PXDC1: variants seen among roughly 807,000 people sequenced by gnomAD.
PXDC1 encodes PX domain containing 1.
In PXDC1, 13 loss-of-function variants were observed where a neutral mutation model predicts 24.4. The ratio of observed to expected loss-of-function variants is 0.53; its 90% CI spans 0.35 to 0.85. The LOEUF (loss-of-function observed/expected upper bound fraction) is 0.85. PXDC1 is among the 40% of genes least tolerant of loss of function. The probability of loss-of-function intolerance (pLI) is 0.01; values close to 1 mark genes in which losing one functional copy is unlikely to be tolerated. For missense variants in PXDC1, 344 were observed against 309.3 expected (o/e 1.11, Z -0.84); for synonymous variants, 162 against 124.9 (o/e 1.30, Z -1.98).
rs544601843 is a variant in PXDC1 at position 3,729,698 on chromosome 6, A to C, written c.467-2036T>G. ...CTCTATCTAAAATGGGTGGCAGCAC[A>C]GAACCACTGCCTTTATTGTTTTTAT... On this transcript the variant is annotated intron_variant, in intron 3 of 4. Transcript: ENST00000380283. Among the ~76,000 whole-genome samples, 6 of 152,372 alleles carry C rather than the reference A, an allele frequency of 3.9e-5. 1 individual carries two copies. The South Asian group carries it at 1.2e-3, about 32-fold the overall frequency.
chr6:3,723,842 C>CA (rs1759996711), intron 4 of PXDC1, 106 bp from the exon 5 acceptor site: 2 of 815,380 alleles, frequency 2.5e-6, no homozygotes, highest in Admixed American at 2.1e-5. Context: ...AGTAAGTGTG[C>CA]AAAAAAACCA....
Position 3,737,979 on chromosome 6 carries a change from G to A in PXDC1, c.348+78C>T. ...AGAGCAAGCAAGTCAACCCTCCGGGGGGATGGACGCCTTTCGCATTTGGGA... is the reference window on the plus strand; with the variant it reads ...AGAGCAAGCAAGTCAACCCTCCGGGAGGATGGACGCCTTTCGCATTTGGGA... On this transcript the variant is annotated intron_variant, in intron 2 of 4. Coordinates refer to ENST00000380283, the MANE Select transcript of PXDC1 (RefSeq NM_183373.4). The surrounding 1 kb of genome is among the most constrained non-coding windows in gnomAD (Gnocchi z 5.5). 2.5e-6 allele frequency: 3 copies of A among 1,195,126 alleles called. No homozygotes were observed. The highest frequency in any genetic ancestry group is 2.5e-5 in the South Asian group (2 of 80,530). 74.0% of individuals were successfully genotyped at this position (1,195,126 alleles called of 1,614,324 possible).
intron 1 of PXDC1, among the ~76,000 whole-genome samples, chr6:3,750,607 T>G (rs1581255240): frequency 6.6e-6 from 1 of 151,972 alleles, no homozygotes; most frequent in African/African-American, 2.4e-5. Flanking sequence ...AAACAAGAAT[T>G]CCCGCGAGCC....
rs779954089 is a variant in PXDC1 at position 3,727,704 on chromosome 6, G to A, written c.467-42C>T. 3.7e-6 allele frequency: 5 copies of A among 1,369,462 alleles called. No individual in the cohort carries two copies. The African/African-American group carries it at 5.7e-5, about 16-fold the overall frequency. 84.8% of individuals were successfully genotyped at this position (1,369,462 alleles called of 1,614,324 possible). On this transcript the variant is annotated intron_variant, in intron 3 of 4. Transcript: ENST00000380283. The stretch of plus-strand genomic sequence containing the variant: ...CAAGGTGAGTCCTCAGGAGGGGTCG[G>A]AGCTTGAGGTTTTGGAGTTTGGAAC...
intron 1 of PXDC1, among the ~76,000 whole-genome samples, chr6:3,749,812 G>A (rs889625757): frequency 6.6e-6 from 1 of 152,166 alleles, no homozygotes; most frequent in Non-Finnish European, 1.5e-5. Context: ...CTGGGGTCAC[G>A]GAGCTCAGAC....
chr6:3,751,527 G>A lies in PXDC1; in HGVS notation c.5C>T (p.Ala2Val). The A allele has an allele frequency of 3.8e-6, 6 of 1,580,196 alleles. No homozygotes were observed. Among genetic ancestry groups the A allele is most frequent in the East Asian group, 2.3e-5 (1 of 42,570 alleles). The change falls in exon 1 of 5, where the codon GCC becomes GTC. Residue 2 changes from alanine to valine, a missense_variant. Transcript: ENST00000380283. ...CGACGTGCCCTCAAACACCGCCGAG[G>A]CCATGTCGCACGCATGCCCCCGCCA... MASAVFEGTSLV... is the reference protein window; with the variant it reads MVSAVFEGTSLV...
At chr6:3,723,991 T>C (rs1046644814) in intron 4 of PXDC1, among the ~76,000 whole-genome samples, 1 of 152,012 alleles carries the variant, frequency 6.6e-6, no homozygotes, top group Non-Finnish European at 1.5e-5. Flanking sequence ...ATTCATGGAG[T>C]GCTGATTTTC....
chr6:3,743,120 G>C (rs1218436593), intron 1 of PXDC1, among the ~76,000 whole-genome samples: 1 of 152,222 alleles, frequency 6.6e-6, no homozygotes, highest in Non-Finnish European at 1.5e-5. Flanking sequence ...AACACTTGCG[G>C]TAACTGGCCC....
chr6:3,736,286 G>A (rs541986867), intron 3 of PXDC1, among the ~76,000 whole-genome samples: 1 of 152,134 alleles, frequency 6.6e-6, no homozygotes, highest in Admixed American at 6.5e-5. Context: ...ATGGACACAG[G>A]CCCCCTGCTC....
In PXDC1 at chr6:3,724,780, G is replaced by A. The variant is rs376840691; in HGVS notation, c.579-1044C>T. On this transcript the variant is annotated intron_variant, in intron 4 of 4. Transcript: ENST00000380283. This position sits in a 1 kb window ranked among gnomAD's most constrained non-coding sequence, Gnocchi z 4.5. ...GACTGCACAGTCCAGGCCCCTGGCCGGACACACAACAAGGCAGGGCGAGCA... is the reference window on the plus strand; with the variant it reads ...GACTGCACAGTCCAGGCCCCTGGCCAGACACACAACAAGGCAGGGCGAGCA... 1.1e-4 allele frequency among the ~76,000 whole-genome samples: 16 copies of A among 152,206 alleles called. No individual in the cohort carries two copies. The highest frequency in any genetic ancestry group is 2.4e-4 in the African/African-American group (10 of 41,440).
At chr6:3,732,507 C>T (rs1581243954) in intron 3 of PXDC1, among the ~76,000 whole-genome samples, 1 of 152,354 alleles carries the variant, frequency 6.6e-6, no homozygotes, top group Admixed American at 6.5e-5. Context: ...GTTGCCAGAT[C>T]GAAGCTGAGG....
intron 3 of PXDC1, 96 bp downstream of exon 3, chr6:3,736,983 T>G: frequency 2.6e-6 from 2 of 755,742 alleles, no homozygotes; most frequent in Non-Finnish European, 2.4e-6. Context: ...TGGAAAAGTG[T>G]GGCCCAGCCT....
chr6:3,749,970 C>T (rs1163892242), intron 1 of PXDC1, among the ~76,000 whole-genome samples: 3 of 152,216 alleles, frequency 2.0e-5, no homozygotes, highest in Non-Finnish European at 4.4e-5. Context: ...ACAGCAAATC[C>T]AAGGAAAACT....
chr6:3,734,115 CAT>C (rs1257217566), intron 3 of PXDC1, among the ~76,000 whole-genome samples: 5 of 152,206 alleles, frequency 3.3e-5, no homozygotes, highest in Non-Finnish European at 7.3e-5. Context: ...GCAAAGAAAA[CAT>C]ACTTTCAATG....
At chr6:3,744,397 A>C (rs1760518180) in intron 1 of PXDC1, among the ~76,000 whole-genome samples, 1 of 152,200 alleles carries the variant, frequency 6.6e-6, no homozygotes, top group Admixed American at 6.5e-5. Context: ...CACAGACCAC[A>C]GACTGTCCCC....
At chr6:3,744,093 C>G (rs762341371) in intron 1 of PXDC1, among the ~76,000 whole-genome samples, 1 of 152,208 alleles carries the variant, frequency 6.6e-6, no homozygotes, top group Non-Finnish European at 1.5e-5. Flanking sequence ...TCTGCTCTTC[C>G]CGTAATCCTG....
chr6:3,746,013 T>C (rs1309763413), intron 1 of PXDC1, among the ~76,000 whole-genome samples: 1 of 152,108 alleles, frequency 6.6e-6, no homozygotes, highest in African/African-American at 2.4e-5. Flanking sequence ...TGTCACCACA[T>C]ATGGTGTGCG....
At chr6:3,745,331 G>A (rs1370450278) in intron 1 of PXDC1, among the ~76,000 whole-genome samples, 1 of 152,260 alleles carries the variant, frequency 6.6e-6, no homozygotes. Flanking sequence ...CAAGTGCCAG[G>A]GCAAAGAGCA....
rs1028366527 is a variant in PXDC1 at position 3,724,072 on chromosome 6, C to T, written c.579-336G>A. Among the ~76,000 whole-genome samples the T allele has an allele frequency of 1.3e-5, 2 of 152,188 alleles. No individual in the cohort carries two copies. The highest frequency in any genetic ancestry group is 4.8e-5 in the African/African-American group (2 of 41,440). ...AGTGAACAAGGCAGGCAGGGTCTGT[C>T]CTCAGGGAAGAGGCGCCTGCCTCGT... On this transcript the variant is annotated intron_variant, in intron 4 of 4. Coordinates refer to ENST00000380283, the MANE Select transcript of PXDC1 (RefSeq NM_183373.4). The surrounding 1 kb of genome is among the most constrained non-coding windows in gnomAD (Gnocchi z 4.5).
Sources: gnomAD v4.1 joint callset for allele counts (sites outside exome capture counted in the v4.1 genomes callset) on GRCh38, gnomAD v4.1.1 for gene constraint, Gnocchi (gnomAD v3.1) non-coding constraint, MANE v1.5 for transcripts, NCBI Gene and HGNC (gene_info 2026-07-23, HGNC 2026-07-21) for gene names.